TAF3: variants seen among roughly 807,000 people sequenced by gnomAD.
The protein encoded by TAF3 is TATA-box binding protein associated factor 3.
Under a neutral mutation model 80.6 loss-of-function variants are expected in TAF3, and 7 were observed. The observed-to-expected ratio is 0.09, with a 90% CI of 0.05 to 0.16. TAF3 has a LOEUF of 0.16. Among genes scored for constraint, TAF3 ranks in the 10% least tolerant of loss-of-function variants. TAF3 has a pLI of 1.00. For synonymous variants in TAF3, 444 were observed against 446.1 expected, an observed-to-expected ratio of 1.00 and a Z score of 0.06; for missense variants, 921 against 1,140.2, an observed-to-expected ratio of 0.81 and a Z score of 2.77.
At chr10:7,948,306 C>T (rs1588562276) in intron 2 of TAF3, among the ~76,000 whole-genome samples, 1 of 144,270 alleles carries the variant, frequency 6.9e-6, no homozygotes, top group East Asian at 2.0e-4. Context: ...CCAGGCTGGT[C>T]TTGAACTCCC....
At chr10:7,944,966 G>GTA (rs1838010207) in intron 2 of TAF3, among the ~76,000 whole-genome samples, 1 of 152,126 alleles carries the variant, frequency 6.6e-6, no homozygotes, top group Non-Finnish European at 1.5e-5. Flanking sequence ...TTGGTTAAAG[G>GTA]TATATATATT....
chr10:7,886,011 C>T (rs1217431360), intron 2 of TAF3, among the ~76,000 whole-genome samples: 1 of 152,102 alleles, frequency 6.6e-6, no homozygotes, highest in Non-Finnish European at 1.5e-5. Flanking sequence ...TCACTACAGC[C>T]TCAACCTCCT....
intron 2 of TAF3, among the ~76,000 whole-genome samples, chr10:7,831,761 G>A (rs184323943): frequency 1.3e-5 from 2 of 152,194 alleles, no homozygotes; most frequent in African/African-American, 2.4e-5. Flanking sequence ...CTTTGGTGAC[G>A]TCCTCACCTT....
chr10:7,912,299 G>A (rs955457487), intron 2 of TAF3, among the ~76,000 whole-genome samples: 1 of 152,134 alleles, frequency 6.6e-6, no homozygotes, highest in Non-Finnish European at 1.5e-5. Context: ...AGGGTCCCAC[G>A]ATGTTGCCCA....
intron 2 of TAF3, among the ~76,000 whole-genome samples, chr10:7,858,650 A>T (rs982083530): frequency 6.6e-6 from 1 of 152,216 alleles, no homozygotes; most frequent in African/African-American, 2.4e-5. Flanking sequence ...TCTACTGTTA[A>T]TGAGAACTTA....
At position 7,964,772 on chromosome 10, in the gene TAF3, C is replaced by T. The variant is rs1451345158; in HGVS notation, c.1262C>T (p.Thr421Ile). The T allele has an allele frequency of 6.2e-7, 1 of 1,614,078 alleles. No homozygotes were observed. Among genetic ancestry groups the T allele is most frequent in the Non-Finnish European group, 8.5e-7 (1 of 1,180,054 alleles). Residue 421 changes from threonine to isoleucine, a missense_variant, in exon 3 of 7, where the codon ACT (threonine) becomes ATT (isoleucine). Physicochemically the swap from Thr to Ile is moderately conservative, Grantham distance 89 (BLOSUM62 -1). Transcript: ENST00000344293. The surrounding 1 kb of genome is among the most constrained non-coding windows in gnomAD (Gnocchi z 4.1). ...TCGGAATCTGAAGGAGACATTTTTA[C>T]TAGCCCTAAGAGAATTTCAGGCCCG... is the stretch of plus-strand genomic sequence containing the variant. ...SGSESEGDIF[T>I]SPKRISGPEC...
At chr10:7,865,806 A>G (rs1265512924) in intron 2 of TAF3, among the ~76,000 whole-genome samples, 3 of 151,732 alleles carry the variant, frequency 2.0e-5, no homozygotes, top group Non-Finnish European at 4.4e-5. Context: ...ACTGACAAGG[A>G]CTCTCCCGTC....
intron 2 of TAF3, among the ~76,000 whole-genome samples, chr10:7,883,459 G>A (rs1024511360): frequency 6.6e-6 from 1 of 152,168 alleles, no homozygotes; most frequent in Non-Finnish European, 1.5e-5. Context: ...GGCTAAAGTG[G>A]TGACTTCCAG....
In TAF3 at chr10:8,004,599, T is replaced by C. The variant is rs193008080; in HGVS notation, c.2316-4479T>C. Among the ~76,000 whole-genome samples the C allele has an allele frequency of 3.4e-3, 513 of 152,324 alleles. 2 individuals carry two copies. The highest frequency in any genetic ancestry group is 0.013 in the South Asian group (61 of 4,816). ...TTTTTCTTTAGCACATTGAAGATGT[T>C]ATTCCACTATCTTCTAGATTTCATC... On this transcript the variant is annotated intron_variant, in intron 4 of 6. Transcript: ENST00000344293.
rs558181837 is a variant in TAF3, at chr10:7,863,408, T to C, written c.409+38848T>C. Among the ~76,000 whole-genome samples the C allele has an allele frequency of 1.1e-3, 162 of 151,412 alleles. 2 individuals carry two copies. Among genetic ancestry groups the C allele is most frequent in the African/African-American group, 3.7e-3 (151 of 41,274 alleles). ...GGCAGGTCACCTGAGTTCAGGAGTTTGAGATCAGCCTGGCCAGGATGGTGA... is the reference window on the plus strand; with the variant it reads ...GGCAGGTCACCTGAGTTCAGGAGTTCGAGATCAGCCTGGCCAGGATGGTGA... On this transcript the variant is annotated intron_variant, in intron 2 of 6. Coordinates refer to ENST00000344293, the MANE Select transcript of TAF3 (RefSeq NM_031923.4).
chr10:7,932,590 A>G (rs1412295414), intron 2 of TAF3, among the ~76,000 whole-genome samples: 1 of 152,066 alleles, frequency 6.6e-6, no homozygotes, highest in African/African-American at 2.4e-5. Flanking sequence ...AGTACTCCCA[A>G]TGTAAAGATC....
rs573825912 is a variant in TAF3, at chr10:7,975,299, A to G, written c.2233-1942A>G. On this transcript the variant is annotated intron_variant, in intron 3 of 6. Transcript: ENST00000344293. ...TGTGGAGTTAGATGTGTAGAAGGGG[A>G]AAGAAGGTCATGGGAAGAGTCTTGA... is the stretch of plus-strand genomic sequence containing the variant. Among the ~76,000 whole-genome samples the G allele has an allele frequency of 2.6e-5, 4 of 152,236 alleles. No homozygotes were observed. In the East Asian group the frequency reaches 7.7e-4, roughly 29 times the overall value.
intron 3 of TAF3, among the ~76,000 whole-genome samples, chr10:7,973,782 A>C (rs1831643181): frequency 6.6e-6 from 1 of 152,208 alleles, no homozygotes; most frequent in East Asian, 1.9e-4. Context: ...AGTTCATAAG[A>C]CTGGACCATT....
At chr10:7,914,884 CAT>C (rs976125429) in intron 2 of TAF3, among the ~76,000 whole-genome samples, 6 of 150,208 alleles carry the variant, frequency 4.0e-5, no homozygotes, top group Non-Finnish European at 5.9e-5. Flanking sequence ...CATCTGACCA[CAT>C]GTGCCTGCCA....
intron 4 of TAF3, among the ~76,000 whole-genome samples, chr10:7,998,280 T>TAA (rs1831910179): frequency 6.8e-6 from 1 of 146,762 alleles, no homozygotes; most frequent in Non-Finnish European, 1.5e-5. Context: ...TATATATATA[T>TAA]ATATAAATTT....
At chr10:7,867,634 T>C (rs1837226248) in intron 2 of TAF3, among the ~76,000 whole-genome samples, 1 of 152,182 alleles carries the variant, frequency 6.6e-6, no homozygotes, top group Non-Finnish European at 1.5e-5. Flanking sequence ...ATTTCAATAT[T>C]GTGGAGACAG....
intron 2 of TAF3, among the ~76,000 whole-genome samples, chr10:7,881,261 A>C (rs962632908): frequency 1.3e-5 from 2 of 151,834 alleles, no homozygotes; most frequent in Admixed American, 1.3e-4. Context: ...ACAAAAAAAA[A>C]ACCCACAAGC....
chr10:7,871,889 A>G (rs1287530817), intron 2 of TAF3, among the ~76,000 whole-genome samples: 1 of 152,246 alleles, frequency 6.6e-6, no homozygotes, highest in African/African-American at 2.4e-5. Flanking sequence ...AAATATTTCT[A>G]ATATTTGTTC....
intron 2 of TAF3, among the ~76,000 whole-genome samples, chr10:7,936,889 T>C (rs955858039): frequency 6.6e-6 from 1 of 152,046 alleles, no homozygotes; most frequent in Non-Finnish European, 1.5e-5. Context: ...TTTTGGAAAC[T>C]GTATTCATAA....
Sources: gnomAD v4.1 joint callset for allele counts (sites outside exome capture counted in the v4.1 genomes callset) on GRCh38, gnomAD v4.1.1 for gene constraint, Gnocchi (gnomAD v3.1) non-coding constraint, MANE v1.5 for transcripts, NCBI Gene and HGNC (gene_info 2026-07-23, HGNC 2026-07-21) for gene names.